Variants in MDM2 observed in about 807,000 individuals in gnomAD.
The protein encoded by MDM2 is MDM2 proto-oncogene.
Under a neutral mutation model 64.3 loss-of-function variants are expected in MDM2, and 11 were observed. The ratio of observed to expected loss-of-function variants is 0.17; its 90% CI spans 0.11 to 0.28. The LOEUF (loss-of-function observed/expected upper bound fraction) is 0.28, where lower values mean the gene tolerates loss of function less well. Ranked by LOEUF, MDM2 falls within the 10% of genes least tolerant of loss-of-function variation. The probability of loss-of-function intolerance (pLI) is 1.00; values close to 1 mark genes in which losing one functional copy is unlikely to be tolerated. For missense variants in MDM2, 388 were observed against 577.1 expected, an observed-to-expected ratio of 0.67 and a Z score of 3.36; for synonymous variants, 194 against 192.9, an observed-to-expected ratio of 1.01 and a Z score of -0.05.
rs1412828521 is a variant in MDM2 at position 68,840,886 on chromosome 12, C to G, written c.*1037C>G. 2 of 140,694 alleles carry G rather than the reference C, an allele frequency of 1.4e-5. No homozygotes were observed. The highest frequency in any genetic ancestry group is 8.1e-5 in the Admixed American group (1 of 12,406). 8.7% of individuals were successfully genotyped at this position (140,694 alleles called of 1,614,324 possible). A position where few individuals can be genotyped will look rare whatever the true frequency, so the allele number is the denominator to read the frequency against. On this transcript the variant is annotated 3_prime_UTR_variant, in exon 11 of 11. Coordinates refer to ENST00000258149, the MANE Select transcript of MDM2 (RefSeq NM_002392.6). ...TTGAGACAGAGTCTTGCTCCATCAC[C>G]CATGCTAGAGTGCAGTGGAGTGATC...
At chr12:68,818,957 C>T (rs897720345) in intron 4 of MDM2, among the ~76,000 whole-genome samples, 1 of 152,076 alleles carries the variant, frequency 6.6e-6, no homozygotes, top group Non-Finnish European at 1.5e-5. Context: ...GTCTCGAACT[C>T]CTGACTTCAA....
intron 9 of MDM2, among the ~76,000 whole-genome samples, chr12:68,836,277 T>C (rs982669411): frequency 2.0e-5 from 3 of 152,170 alleles, no homozygotes; most frequent in Admixed American, 1.3e-4. Flanking sequence ...TGTTTTAATA[T>C]TAACTTACTT....
chr12:68,815,728 C>T, intron 3 of MDM2: 2 of 285,262 alleles, frequency 7.0e-6, no homozygotes, highest in East Asian at 1.4e-4. Context: ...CAGGTGTGAG[C>T]CACTGTGCCC....
At chr12:68,820,436 T>G (rs1414917911) in intron 5 of MDM2, 62 bp downstream of exon 5, 2 of 1,187,346 alleles carry the variant, frequency 1.7e-6, no homozygotes, top group East Asian at 4.7e-5. Context: ...CATTTTTGTT[T>G]ATGTGCATAT....
At chr12:68,820,466 C>T in intron 5 of MDM2, 92 bp downstream of exon 5, 1 of 985,334 alleles carries the variant, frequency 1.0e-6, no homozygotes, top group Non-Finnish European at 1.6e-6. Context: ...TTGTGATTCT[C>T]TTTAAAAGTT....
chr12:68,816,779 C>A, intron 3 of MDM2, 33 bp from the exon 4 acceptor site: 1 of 1,541,082 alleles, frequency 6.5e-7, no homozygotes, highest in South Asian at 1.2e-5. Flanking sequence ...ATTTAGTTTT[C>A]TTTAATGCTC....
intron 8 of MDM2, among the ~76,000 whole-genome samples, chr12:68,829,765 C>CA (rs10658881): frequency 0.094 from 9,848 of 104,736 alleles, 937 homozygotes; most frequent in African/African-American, 0.26. Flanking sequence ...GACTCCATCT[C>CA]AAAAAAAAAA....
At chr12:68,833,887 G>C (rs963136781) in intron 8 of MDM2, among the ~76,000 whole-genome samples, 37 of 152,048 alleles carry the variant, frequency 2.4e-4, no homozygotes, top group African/African-American at 8.7e-4. Flanking sequence ...TTGGTTTGTT[G>C]GGTTACTTTG....
intron 5 of MDM2, among the ~76,000 whole-genome samples, chr12:68,823,131 C>G (rs1050053118): frequency 6.6e-6 from 1 of 152,132 alleles, no homozygotes; most frequent in Non-Finnish European, 1.5e-5. Flanking sequence ...TTATGTACAA[C>G]TTAAGAAAAT....
At chr12:68,837,373 C>G (rs577673497) in intron 10 of MDM2, among the ~76,000 whole-genome samples, 5 of 145,228 alleles carry the variant, frequency 3.4e-5, no homozygotes, top group African/African-American at 1.3e-4. Flanking sequence ...TTTTTTTTTT[C>G]AATTGAGATA....
At chr12:68,831,817 C>G (rs766187015) in intron 8 of MDM2, among the ~76,000 whole-genome samples, 14 of 152,198 alleles carry the variant, frequency 9.2e-5, no homozygotes, top group Non-Finnish European at 1.6e-4. Flanking sequence ...CCTGTAATCC[C>G]AGCACTTTGG....
At position 68,813,550 on chromosome 12, in the gene MDM2, A is replaced by G. The variant is rs752565420; in HGVS notation, c.100-4A>G. On this transcript the variant is annotated splice_region_variant and splice_polypyrimidine_tract_variant and intron_variant, in intron 2 of 10. Transcript: ENST00000258149. ...GTATAATAGCAGTTCTTTTCTCTTT[A>G]TAGGTTAGACCAAAGCCATTGCTTT... 4.4e-6 allele frequency: 7 copies of G among 1,608,780 alleles called. No homozygotes were observed. In the Admixed American group the frequency reaches 6.7e-5, roughly 15 times the overall value.
Position 68,833,817 on chromosome 12 carries a change from T to C in MDM2, c.685-2012T>C, listed in dbSNP as rs1592596026. Among the ~76,000 whole-genome samples, 5 of 152,208 alleles carry C rather than the reference T, an allele frequency of 3.3e-5. No homozygotes were observed. The East Asian group carries it at 9.6e-4, about 29-fold the overall frequency. ...TATGTTTTCTGAGATTTAATGTTTC[T>C]TGTGATTTACCCCCTTATTCTAAAA... On this transcript the variant is annotated intron_variant, in intron 8 of 10. Transcript: ENST00000258149.
chr12:68,814,641 C>A (rs1432991514), intron 3 of MDM2: 2 of 410,616 alleles, frequency 4.9e-6, no homozygotes, highest in Non-Finnish European at 9.6e-6. Context: ...TTAAGAACTT[C>A]TGCACTAGAG....
At position 68,815,433 on chromosome 12, in the gene MDM2, CT is replaced by C. The variant is rs58178593; in HGVS notation, c.175-1355del. ...GAAGAGCTGGGGCCAGTTTCTTCTTCTTTTTTTTTTTTTTTTTTTTTTTTAT... is the reference window on the plus strand; with the variant it reads ...GAAGAGCTGGGGCCAGTTTCTTCTTCTTTTTTTTTTTTTTTTTTTTTTTAT... On this transcript the variant is annotated intron_variant, in intron 3 of 10. Transcript: ENST00000258149. 7.6e-3 allele frequency among the ~76,000 whole-genome samples: 710 copies of C among 93,044 alleles called. 1 individual carries two copies. Among genetic ancestry groups the C allele is most frequent in the African/African-American group, 0.013 (302 of 22,792 alleles). 61.0% of individuals were successfully genotyped at this position (93,044 alleles called of 152,430 possible).
chr12:68,833,280 A>AATATAAAAATATAATT (rs1565743994), intron 8 of MDM2, among the ~76,000 whole-genome samples: 5 of 63,192 alleles, frequency 7.9e-5, no homozygotes, highest in African/African-American at 3.1e-4. Context: ...TATTTATATA[A>AATATAAAAATATAATT]ATATAAATAT....
At position 68,824,406 on chromosome 12, in the gene MDM2, C is replaced by T. The variant is rs1882129195; in HGVS notation, c.402C>T (p.His134=). ...SGTSVSENRC[H]LEGGSDQKDL... ...CATCTGTGAGTGAGAACAGGTGTCA[C>T]CTTGAAGGTGGGAGTGATCAAAAGG... The change falls in exon 6 of 11, where the codon CAC becomes CAT. Residue 134 remains histidine, a synonymous_variant. Transcript: ENST00000258149. 6.2e-7 allele frequency: 1 copy of T among 1,613,796 alleles called. No homozygotes were observed. The highest frequency in any genetic ancestry group is 8.5e-7 in the Non-Finnish European group (1 of 1,179,832).
chr12:68,812,812 G>A (rs1881024990), intron 2 of MDM2, among the ~76,000 whole-genome samples: 1 of 152,080 alleles, frequency 6.6e-6, no homozygotes, highest in Admixed American at 6.6e-5. Context: ...GGTTTACATA[G>A]TAGCCATGCT....
intron 3 of MDM2, chr12:68,814,474 A>G: frequency 3.9e-6 from 1 of 257,426 alleles, no homozygotes. Flanking sequence ...AGGTATTAAT[A>G]CTGTTGTGAT....
Sources: gnomAD v4.1 joint callset for allele counts (sites outside exome capture counted in the v4.1 genomes callset) on GRCh38, gnomAD v4.1.1 for gene constraint, MANE v1.5 for transcripts, NCBI Gene and HGNC (gene_info 2026-07-23, HGNC 2026-07-21) for gene names.